The following ARFGEF2 variants were observed in gnomAD, a reference collection of about 807,000 sequenced individuals.
ARFGEF2 encodes brefeldin A-inhibited guanine nucleotide-exchange protein 2.
A neutral mutation model predicts 219.9 loss-of-function variants in ARFGEF2; 74 were observed. That is an observed-to-expected ratio of 0.34 (90% confidence interval 0.28 to 0.41). ARFGEF2 has a LOEUF of 0.41. ARFGEF2 is among the 10% of genes least tolerant of loss of function. The probability of loss-of-function intolerance (pLI) is 1.00; values close to 1 mark genes in which losing one functional copy is unlikely to be tolerated. For synonymous variants in ARFGEF2, 733 were observed against 799.2 expected (o/e 0.92, Z 1.40); for missense variants, 1,743 against 2,218.3 (o/e 0.79, Z 4.30).
At chr20:48,948,917 C>T (rs1025972677) in intron 3 of ARFGEF2, among the ~76,000 whole-genome samples, 1 of 152,228 alleles carries the variant, frequency 6.6e-6, no homozygotes, top group Non-Finnish European at 1.5e-5. Context: ...ACACACAGCC[C>T]TGTAGGTCCC....
chr20:48,952,719 A>G lies in ARFGEF2; in HGVS notation c.438A>G (p.Ala146=). 6.2e-7 allele frequency: 1 copy of G among 1,614,230 alleles called. No individual in the cohort carries two copies. Residue 146 remains alanine (A), a synonymous_variant, in exon 5 of 39, where the codon GCA becomes GCG. Transcript: ENST00000371917. ...TTCTATTTTAGGCTCTTCTGACTGC[A>G]GTGACTTCCCCACACATTGAAATTC... ...QLQIIKALLT[A]VTSPHIEIHE... is the part of the protein sequence containing the mutation.
In ARFGEF2 at chr20:48,983,244, A is replaced by G. The variant is rs2091307694; in HGVS notation, c.1959-1485A>G. 1.3e-5 allele frequency among the ~76,000 whole-genome samples: 2 copies of G among 152,232 alleles called. 1 individual carries two copies. Among genetic ancestry groups the G allele is most frequent in the Admixed American group, 1.3e-4 (2 of 15,286 alleles). ...TTTGAAAAATAAAGGACATTCTCCC[A>G]TATAACCACAGCACCATCATCACAA... is the stretch of plus-strand genomic sequence containing the variant. On this transcript the variant is annotated intron_variant, in intron 14 of 38. Coordinates refer to ENST00000371917, the MANE Select transcript of ARFGEF2 (RefSeq NM_006420.3).
In ARFGEF2 at chr20:49,018,885, A is replaced by G. The variant is rs2091546734; in HGVS notation, c.4511A>G (p.Asp1504Gly). 1 of 1,612,688 alleles carries G rather than the reference A, an allele frequency of 6.2e-7. No homozygotes were observed. Among genetic ancestry groups the G allele is most frequent in the Non-Finnish European group, 8.5e-7 (1 of 1,178,806 alleles). ...TGTTTCCCTCTGGTTTACATTTAGG[A>G]TGTGGATCTGGACCGCCAGTCTTTA... is the stretch of plus-strand genomic sequence containing the variant. ...MEEDSSEKHL[D>G]VDLDRQSLSS... Residue 1504 changes from aspartate (D) to glycine (G), a missense_variant and splice_region_variant, in exon 34 of 39, where the codon GAT becomes GGT. This residue lies in a region of ARFGEF2 where 578 missense variants were observed against 664.0 expected (regional missense o/e 0.87). Transcript: ENST00000371917.
In ARFGEF2 at chr20:49,016,526, T is replaced by A. The variant is rs142873757; in HGVS notation, c.4315+111T>A. 4.0e-6 allele frequency: 5 copies of A among 1,251,576 alleles called. No homozygotes were observed. The Admixed American group carries it at 5.8e-5, about 14-fold the overall frequency. The allele number at this position is 1,251,576 out of a possible 1,614,324, so 77.5% of individuals were successfully genotyped here. A position where few individuals can be genotyped will look rare whatever the true frequency, so the allele number is the denominator to read the frequency against. ...AGTGCCATGGAGTACAATATATAAT[T>A]TAGTTGGTGAAATGTATACGTTTTA... On this transcript the variant is annotated intron_variant, in intron 31 of 38. Transcript: ENST00000371917.
At chr20:49,004,196 T>C in intron 25 of ARFGEF2, among the ~76,000 whole-genome samples, 1 of 150,342 alleles carries the variant, frequency 6.7e-6, no homozygotes, top group East Asian at 2.0e-4. Context: ...CCCTGTCTCT[T>C]CTAAAAATAC....
Position 48,971,336 on chromosome 20 carries a change from C to T in ARFGEF2, c.1407C>T (p.His469=). 6.2e-7 allele frequency: 1 copy of T among 1,614,026 alleles called. No individual in the cohort carries two copies. The highest frequency in any genetic ancestry group is 1.1e-5 in the South Asian group (1 of 91,084). The change falls in exon 10 of 39, where the codon CAC becomes CAT. Residue 469 remains histidine, a synonymous_variant. Coordinates refer to ENST00000371917, the MANE Select transcript of ARFGEF2 (RefSeq NM_006420.3). ...CTCTTCTTTCAAACTTTAAAATGCA[C>T]TTGAAAATGCAGATAGAGGTACGGA... is the stretch of plus-strand genomic sequence containing the variant. ...FLTLLSNFKM[H]LKMQIEVFFK...
chr20:48,929,281 T>C (rs897516202), intron 1 of ARFGEF2, among the ~76,000 whole-genome samples: 1 of 152,252 alleles, frequency 6.6e-6, no homozygotes, highest in African/African-American at 2.4e-5. Flanking sequence ...TTTATACCTT[T>C]GTGAGGAGAA....
intron 1 of ARFGEF2, among the ~76,000 whole-genome samples, chr20:48,923,828 C>G (rs906791822): frequency 6.6e-6 from 1 of 152,216 alleles, no homozygotes; most frequent in Non-Finnish European, 1.5e-5. Context: ...TCATCTGGGT[C>G]ATGAAGGGCC....
intron 38 of ARFGEF2, 48 bp from the exon 39 acceptor site, chr20:49,032,973 CAA>C (rs200019014): frequency 8.0e-4 from 1,023 of 1,284,852 alleles, no homozygotes; most frequent in Admixed American, 1.1e-3. Flanking sequence ...AACTGGTGCC[CAA>C]AAAAAAAAAA....
intron 33 of ARFGEF2, among the ~76,000 whole-genome samples, chr20:49,018,022 G>A (rs1272449032): frequency 1.3e-5 from 2 of 152,138 alleles, no homozygotes; most frequent in Non-Finnish European, 2.9e-5. Context: ...TAAATTAATA[G>A]TGCTTTCCTC....
chr20:49,001,295 C>T (rs527958897), intron 25 of ARFGEF2, among the ~76,000 whole-genome samples: 1 of 152,226 alleles, frequency 6.6e-6, no homozygotes, highest in Admixed American at 6.5e-5. Context: ...TCGCCTCAGC[C>T]TCCGAAAGTG....
chr20:48,929,396 T>G (rs905103597), intron 1 of ARFGEF2, among the ~76,000 whole-genome samples: 1 of 152,254 alleles, frequency 6.6e-6, no homozygotes, highest in Non-Finnish European at 1.5e-5. Context: ...GCCTGTTGAC[T>G]AAACCAGACC....
Position 48,985,802 on chromosome 20 carries a change from A to G in ARFGEF2, c.2276+189A>G, listed in dbSNP as rs1997854. Among the ~76,000 whole-genome samples, 54,961 of 152,042 alleles carry G rather than the reference A, an allele frequency of 0.36. 10,771 individuals carry two copies. The highest frequency in any genetic ancestry group is 0.53 in the African/African-American group (21,909 of 41,452). On this transcript the variant is annotated intron_variant, in intron 16 of 38. Transcript: ENST00000371917. ...CTCACAGCAACCTGTTTATGTCCCTATTCTACAGACAAAAAGATTGAGGAC... is the reference window on the plus strand; with the variant it reads ...CTCACAGCAACCTGTTTATGTCCCTGTTCTACAGACAAAAAGATTGAGGAC...
At position 49,031,217 on chromosome 20, in the gene ARFGEF2, GGACTT is replaced by G. The variant is rs1376808784; in HGVS notation, c.5064-831_5064-827del. 2.4e-5 allele frequency among the ~76,000 whole-genome samples: 3 copies of G among 126,332 alleles called. No homozygotes were observed. The Admixed American group carries it at 2.6e-4, about 11-fold the overall frequency. 82.9% of individuals were successfully genotyped at this position (126,332 alleles called of 152,430 possible). ...ATCCTCACAACAACCCCTTGAGTTT[GGACTT>G]TTTTTTTTTTTTTTTTTTTTTTTTT... On this transcript the variant is annotated intron_variant, in intron 37 of 38. Transcript: ENST00000371917.
intron 26 of ARFGEF2, among the ~76,000 whole-genome samples, chr20:49,006,969 C>T (rs556015029): frequency 1.4e-4 from 21 of 152,058 alleles, no homozygotes; most frequent in Middle Eastern, 3.4e-3. Flanking sequence ...CACGAGCTAC[C>T]GTGGCCGGCC....
chr20:48,962,356 G>A (rs181577829), intron 6 of ARFGEF2, among the ~76,000 whole-genome samples: 6 of 152,292 alleles, frequency 3.9e-5, no homozygotes, highest in Admixed American at 3.9e-4. Flanking sequence ...GTGACATAAT[G>A]ACGGCTATGA....
At chr20:49,002,162 C>T (rs866273687) in intron 25 of ARFGEF2, among the ~76,000 whole-genome samples, 17 of 152,198 alleles carry the variant, frequency 1.1e-4, no homozygotes, top group East Asian at 1.9e-4. Context: ...ATCTCGAACC[C>T]GGGGGGTGGA....
At position 49,012,004 on chromosome 20, in the gene ARFGEF2, A is replaced by G. The variant is rs1219271974; in HGVS notation, c.3838A>G (p.Asn1280Asp). 2 of 1,614,134 alleles carry G rather than the reference A, an allele frequency of 1.2e-6. No individual in the cohort carries two copies. Among genetic ancestry groups the G allele is most frequent in the Admixed American group, 3.3e-5 (2 of 60,008 alleles). ...AVKCLSEFAC[N>D]AAFPDTSMEA... Reference sequence around the variant, plus strand: ...GAAGTGCTTATCAGAGTTCGCCTGCAACGCCGCTTTCCCTGACACGAGCAT... The same window carrying G: ...GAAGTGCTTATCAGAGTTCGCCTGCGACGCCGCTTTCCCTGACACGAGCAT... The change falls in exon 28 of 39, where the codon AAC becomes GAC. Residue 1280 changes from asparagine to aspartate, a missense_variant. By Grantham distance (23) the Asn-to-Asp change is conservative (BLOSUM62 1). This residue lies in a region of ARFGEF2 where 578 missense variants were observed against 664.0 expected (regional missense o/e 0.87). Transcript: ENST00000371917.
chr20:48,983,605 C>T (rs148046639), intron 14 of ARFGEF2, among the ~76,000 whole-genome samples: 1 of 152,334 alleles, frequency 6.6e-6, no homozygotes, highest in Admixed American at 6.5e-5. Context: ...CATCTCCTGC[C>T]AATTCCCCTG....
Sources: gnomAD v4.1 joint callset for allele counts (sites outside exome capture counted in the v4.1 genomes callset) on GRCh38, gnomAD v4.1.1 for gene constraint, gnomAD v4.1.1 regional missense constraint, MANE v1.5 for transcripts, NCBI Gene and HGNC (gene_info 2026-07-23, HGNC 2026-07-21) for gene names.